Variants in ZSWIM7 observed in about 807,000 individuals in gnomAD.
ZSWIM7 encodes zinc finger SWIM-type containing 7.
ZSWIM7 carries 22 observed loss-of-function variants against 21.1 expected under a neutral mutation model. The observed-to-expected ratio is 1.04, with a 90% CI of 0.74 to 1.49. The LOEUF (loss-of-function observed/expected upper bound fraction) is 1.49. Among genes scored for constraint, ZSWIM7 ranks in the 40% most tolerant of loss-of-function variants. The pLI, the probability that ZSWIM7 is intolerant of heterozygous loss-of-function variation, is 0.00. For missense variants in ZSWIM7, 193 were observed against 168.0 expected (o/e 1.15, Z -0.82); for synonymous variants, 67 against 66.5 (o/e 1.01, Z -0.04).
At chr17:15,978,554 C>T (rs1308846393) in intron 4 of ZSWIM7, among the ~76,000 whole-genome samples, 5 of 152,124 alleles carry the variant, frequency 3.3e-5, no homozygotes, top group East Asian at 3.9e-4. Context: ...GCCGAGATCA[C>T]GCCACTGCAC....
chr17:15,985,008 A>G (rs1970393087), intron 3 of ZSWIM7, among the ~76,000 whole-genome samples: 1 of 152,138 alleles, frequency 6.6e-6, no homozygotes, highest in African/African-American at 2.4e-5. Flanking sequence ...AGTGAATCAA[A>G]AAAGTATAAA....
Position 15,999,668 on chromosome 17 carries a change from G to T in ZSWIM7, c.-74C>A, listed in dbSNP as rs541854799. The T allele has an allele frequency of 1.4e-5, 22 of 1,561,710 alleles. No individual in the cohort carries two copies. The highest frequency in any genetic ancestry group is 2.3e-5 in the South Asian group (2 of 85,278). On this transcript the variant is annotated 5_prime_UTR_variant, in exon 1 of 5. Transcript: ENST00000399277. Reference sequence around the variant, plus strand: ...CAGCTGACTGCGCCTACCTGTGGAGGATCCTGACCCCCCGCCGGGGCAGGG... The same window carrying T: ...CAGCTGACTGCGCCTACCTGTGGAGTATCCTGACCCCCCGCCGGGGCAGGG...
chr17:15,982,825 A>T (rs80021731), intron 3 of ZSWIM7, among the ~76,000 whole-genome samples: 7,664 of 151,694 alleles, frequency 0.051, 465 homozygotes, highest in African/African-American at 0.14. Context: ...TAATTTTAAA[A>T]TTTTTTTTGT....
intron 2 of ZSWIM7, among the ~76,000 whole-genome samples, 196 bp from the exon 3 acceptor site, chr17:15,987,564 C>A (rs188076881): frequency 2.6e-5 from 4 of 151,970 alleles, no homozygotes; most frequent in East Asian, 3.9e-4. Flanking sequence ...TATTTCAGAT[C>A]TTCTTGTATT....
intron 2 of ZSWIM7, among the ~76,000 whole-genome samples, chr17:15,989,865 C>T (rs1970460317): frequency 6.6e-6 from 1 of 152,066 alleles, no homozygotes; most frequent in South Asian, 2.1e-4. Context: ...CTCCCAGCCC[C>T]AAGCGATCCT....
chr17:15,999,409 A>G (rs759452939), intron 1 of ZSWIM7, 110 bp downstream of exon 1: 3 of 1,379,638 alleles, frequency 2.2e-6, no homozygotes, highest in Non-Finnish European at 3.0e-6. Context: ...ACCACATGGA[A>G]AAAAGGCAGG....
chr17:15,976,766 C>G lies in ZSWIM7; in HGVS notation c.*1281G>C, dbSNP rs781772421. ...ACCTATATCATCTGTCTGTCCACTGCTTCAACTCCTTCTGCAGTATCCCTG... is the reference window on the plus strand; with the variant it reads ...ACCTATATCATCTGTCTGTCCACTGGTTCAACTCCTTCTGCAGTATCCCTG... On this transcript the variant is annotated 3_prime_UTR_variant, in exon 5 of 5. Coordinates refer to ENST00000399277, the MANE Select transcript of ZSWIM7 (RefSeq NM_001042697.2). 2 of 152,222 alleles carry G rather than the reference C, an allele frequency of 1.3e-5. No homozygotes were observed. Among genetic ancestry groups the G allele is most frequent in the Non-Finnish European group, 2.9e-5 (2 of 68,040 alleles). 9.4% of individuals were successfully genotyped at this position (152,222 alleles called of 1,614,324 possible).
At chr17:15,996,545 C>T (rs982275059) in intron 1 of ZSWIM7, among the ~76,000 whole-genome samples, 1 of 152,046 alleles carries the variant, frequency 6.6e-6, no homozygotes, top group Admixed American at 6.5e-5. Flanking sequence ...GCCTGGGGAA[C>T]AGAGTGAGAC....
chr17:15,981,575 A>C (rs777435710), intron 3 of ZSWIM7, among the ~76,000 whole-genome samples: 7 of 152,100 alleles, frequency 4.6e-5, no homozygotes, highest in Non-Finnish European at 1.0e-4. Flanking sequence ...CTAAAGAGAG[A>C]GTAAAAACAG....
At chr17:15,994,445 C>G (rs529611996) in intron 1 of ZSWIM7, among the ~76,000 whole-genome samples, 4 of 152,318 alleles carry the variant, frequency 2.6e-5, no homozygotes, top group Non-Finnish European at 5.9e-5. Context: ...TCCCCTTCCC[C>G]AAACCCTAAC....
chr17:15,980,916 CA>C, intron 4 of ZSWIM7, 123 bp downstream of exon 4: 1 of 659,608 alleles, frequency 1.5e-6, no homozygotes, highest in Non-Finnish European at 2.4e-6. Flanking sequence ...AAGACAAAGA[CA>C]AAAAACTACC....
At chr17:15,999,361 T>C (rs1567574032) in intron 1 of ZSWIM7, 158 bp downstream of exon 1, 1 of 1,002,272 alleles carries the variant, frequency 1.0e-6, no homozygotes, top group Non-Finnish European at 1.5e-6. Context: ...TTTTGTTGTT[T>C]TGTTTTTTTG....
chr17:15,999,397 G>T, intron 1 of ZSWIM7, 122 bp downstream of exon 1: 1 of 1,238,568 alleles, frequency 8.1e-7, no homozygotes, highest in Non-Finnish European at 1.1e-6. Flanking sequence ...GAGGTTTAGA[G>T]AACCACATGG....
chr17:15,993,794 G>T lies in ZSWIM7; in HGVS notation c.77-16C>A. ...TCATCAGGAACTGTAAAATGAGAAT[G>T]GAAAAAAAAAGTTAATCATATTAAG... On this transcript the variant is annotated splice_polypyrimidine_tract_variant and intron_variant, in intron 1 of 4. Coordinates refer to ENST00000399277, the MANE Select transcript of ZSWIM7 (RefSeq NM_001042697.2). 1 of 1,501,372 alleles carries T rather than the reference G, an allele frequency of 6.7e-7. No homozygotes were observed. The highest frequency in any genetic ancestry group is 1.4e-5 in the African/African-American group (1 of 71,568). 93.0% of individuals were successfully genotyped at this position (1,501,372 alleles called of 1,614,324 possible). A position where few individuals can be genotyped will look rare whatever the true frequency, so the allele number is the denominator to read the frequency against.
Position 15,999,694 on chromosome 17 carries a change from C to A in ZSWIM7, c.-100G>T, listed in dbSNP as rs1177028758. 7 of 1,554,648 alleles carry A rather than the reference C, an allele frequency of 4.5e-6. No individual in the cohort carries two copies. The South Asian group carries it at 8.3e-5, about 18-fold the overall frequency. ...ATCCTGACCCCCCGCCGGGGCAGGG[C>A]GAGACGGAGTGACGTCGGGGCGCGT... On this transcript the variant is annotated 5_prime_UTR_variant, in exon 1 of 5. Transcript: ENST00000399277.
intron 2 of ZSWIM7, among the ~76,000 whole-genome samples, chr17:15,991,530 G>C (rs1357872108): frequency 1.3e-5 from 2 of 152,162 alleles, no homozygotes; most frequent in East Asian, 1.9e-4. Flanking sequence ...TTTTCTAGAT[G>C]AAAAGTTATG....
intron 3 of ZSWIM7, among the ~76,000 whole-genome samples, chr17:15,984,010 A>G (rs1280949810): frequency 6.6e-6 from 1 of 152,164 alleles, no homozygotes; most frequent in African/African-American, 2.4e-5. Flanking sequence ...GGGATTCTGT[A>G]CTGACTAGAA....
At chr17:15,996,660 G>C (rs1273116676) in intron 1 of ZSWIM7, among the ~76,000 whole-genome samples, 13 of 151,926 alleles carry the variant, frequency 8.6e-5, no homozygotes, top group Admixed American at 8.5e-4. Flanking sequence ...TAGTAAGCCT[G>C]GGCAACACAG....
chr17:15,998,338 T>G (rs1970591947), intron 1 of ZSWIM7, among the ~76,000 whole-genome samples: 1 of 152,160 alleles, frequency 6.6e-6, no homozygotes, highest in Non-Finnish European at 1.5e-5. Flanking sequence ...TATACTTAAG[T>G]CTCCTTAATT....
Sources: allele counts gnomAD v4.1 joint callset (sites outside exome capture counted in the v4.1 genomes callset), GRCh38; gene constraint gnomAD v4.1.1; transcripts MANE v1.5; gene names NCBI Gene and HGNC (gene_info 2026-07-23, HGNC 2026-07-21).